NCALD: variants seen among roughly 807,000 people sequenced by gnomAD.
NCALD encodes neurocalcin delta, also known as neurocalcin-delta.
In NCALD, 10 loss-of-function variants were observed where a neutral mutation model predicts 18.6. That is an observed-to-expected ratio of 0.54 (90% CI 0.33 to 0.91). NCALD has a LOEUF of 0.91. Ranked by LOEUF, NCALD falls within the 40% of genes least tolerant of loss-of-function variation. The pLI is 0.03. For missense variants in NCALD, 184 were observed against 247.6 expected, an observed-to-expected ratio of 0.74 and a Z score of 1.72; for synonymous variants, 88 against 87.4, an observed-to-expected ratio of 1.01 and a Z score of -0.04.
chr8:101,780,544 A>C (rs950898587), intron 1 of NCALD, among the ~76,000 whole-genome samples: 1 of 152,138 alleles, frequency 6.6e-6, no homozygotes, highest in Admixed American at 6.6e-5. Context: ...ACAGAAGAAC[A>C]GTGGTTGGCA....
intron 2 of NCALD, among the ~76,000 whole-genome samples, chr8:101,956,808 A>G (rs528088590): frequency 9.2e-5 from 14 of 152,332 alleles, no homozygotes; most frequent in African/African-American, 2.9e-4. Flanking sequence ...AATCCCTTTT[A>G]CCTAGCCCAC....
chr8:101,800,469 G>C (rs1048949351), intron 4 of NCALD, among the ~76,000 whole-genome samples: 2 of 151,484 alleles, frequency 1.3e-5, no homozygotes, highest in African/African-American at 4.8e-5. Flanking sequence ...GAGGAAAAAA[G>C]AGCAATAAAT....
chr8:101,879,430 G>A (rs1367851653), intron 4 of NCALD, among the ~76,000 whole-genome samples: 3 of 152,144 alleles, frequency 2.0e-5, no homozygotes, highest in African/African-American at 7.2e-5. Flanking sequence ...CAGTGGCTTC[G>A]TGGTCTCGCT....
intron 2 of NCALD, among the ~76,000 whole-genome samples, chr8:101,704,446 G>A (rs528851940): frequency 7.2e-5 from 11 of 152,230 alleles, no homozygotes; most frequent in African/African-American, 1.4e-4. Context: ...CTAGGATACC[G>A]CATGAGAAAA....
intron 1 of NCALD, among the ~76,000 whole-genome samples, chr8:102,065,575 C>T (rs1367603056): frequency 6.6e-6 from 1 of 152,194 alleles, no homozygotes; most frequent in Non-Finnish European, 1.5e-5. Context: ...TTGTTCTCTA[C>T]CACCTGCATC....
chr8:101,824,792 G>T (rs575862407), intron 4 of NCALD, among the ~76,000 whole-genome samples: 3 of 152,280 alleles, frequency 2.0e-5, no homozygotes, highest in African/African-American at 7.2e-5. Flanking sequence ...ATCCAGATCT[G>T]TCTGATGTGA....
intron 4 of NCALD, among the ~76,000 whole-genome samples, chr8:101,857,811 C>G (rs1355718695): frequency 6.6e-6 from 1 of 152,102 alleles, no homozygotes; most frequent in East Asian, 1.9e-4. Flanking sequence ...TTGGTTTGCC[C>G]AAGACTTTCT....
chr8:102,028,149 G>A (rs1047779202), intron 1 of NCALD, among the ~76,000 whole-genome samples: 10 of 152,328 alleles, frequency 6.6e-5, no homozygotes, highest in Middle Eastern at 3.4e-3. Context: ...GCATGTAGAA[G>A]TATTCAAGGG....
At chr8:101,825,532 G>A (rs1219015775) in intron 4 of NCALD, among the ~76,000 whole-genome samples, 1 of 152,254 alleles carries the variant, frequency 6.6e-6, no homozygotes, top group Non-Finnish European at 1.5e-5. Context: ...AGTAGCTCAA[G>A]AGCAAAGGGT....
At chr8:101,699,175 G>A (rs776135826) in intron 2 of NCALD, among the ~76,000 whole-genome samples, 1 of 151,640 alleles carries the variant, frequency 6.6e-6, no homozygotes, top group African/African-American at 2.4e-5. Context: ...AAAAGCGTAT[G>A]ATCATTAGAG....
intron 1 of NCALD, among the ~76,000 whole-genome samples, chr8:101,730,770 T>C (rs535555805): frequency 6.6e-6 from 1 of 152,328 alleles, no homozygotes; most frequent in East Asian, 1.9e-4. Context: ...CACTTGGTCA[T>C]GGTTCCCGTA....
intron 4 of NCALD, among the ~76,000 whole-genome samples, chr8:101,814,988 G>A (rs552064983): frequency 1.3e-5 from 2 of 152,164 alleles, no homozygotes; most frequent in African/African-American, 4.8e-5. Context: ...TAAATAAAGA[G>A]ATATTCCATG....
At chr8:101,968,170 GTAGGT>G (rs1197804386) in intron 2 of NCALD, among the ~76,000 whole-genome samples, 1 of 152,162 alleles carries the variant, frequency 6.6e-6, no homozygotes, top group African/African-American at 2.4e-5. Flanking sequence ...TCTGGAGTCG[GTAGGT>G]ATTGGCTTTA....
rs144022695 is a variant in NCALD at position 101,748,393 on chromosome 8, C to T, written c.-19-28745G>A. ...ACCCTAGGTGCTGTGGTCTAGGGAC[C>T]CAAGTTTAAGTGGCTTGATTGTCAG... On this transcript the variant is annotated intron_variant, in intron 1 of 3. Transcript: ENST00000220931. 3.0e-3 allele frequency among the ~76,000 whole-genome samples: 449 copies of T among 152,152 alleles called. 2 individuals are homozygous for T. Among genetic ancestry groups the T allele is most frequent in the Non-Finnish European group, 4.3e-3 (292 of 67,984 alleles).
intron 4 of NCALD, among the ~76,000 whole-genome samples, chr8:101,849,751 G>A (rs1307876170): frequency 6.6e-6 from 1 of 152,142 alleles, no homozygotes; most frequent in Admixed American, 6.5e-5. Flanking sequence ...AGAATTACGA[G>A]CAAGCAGAGA....
chr8:101,751,632 C>A (rs370061877), intron 1 of NCALD, among the ~76,000 whole-genome samples: 24 of 152,284 alleles, frequency 1.6e-4, no homozygotes, highest in African/African-American at 5.8e-4. Context: ...GGCTTCCCAG[C>A]AGCCACATGT....
At chr8:102,049,593 T>A (rs1195375310) in intron 1 of NCALD, among the ~76,000 whole-genome samples, 1 of 152,154 alleles carries the variant, frequency 6.6e-6, no homozygotes, top group Non-Finnish European at 1.5e-5. Flanking sequence ...TTTGAGTATA[T>A]TTAGTTTTGT....
At chr8:102,031,376 T>G (rs954783419) in intron 1 of NCALD, among the ~76,000 whole-genome samples, 2 of 152,214 alleles carry the variant, frequency 1.3e-5, no homozygotes. Context: ...GATGCATAGC[T>G]GGGCAACTGA....
At position 101,688,951 on chromosome 8, in the gene NCALD, C is replaced by T. The variant is rs1563650771; in HGVS notation, c.*358G>A. On this transcript the variant is annotated 3_prime_UTR_variant, in exon 4 of 4. Transcript: ENST00000220931. ...TCTTTCAAACAAAAGCCCCTTGAAG[C>T]TTGCAATAGAATCACAGGACTGGAT... The T allele has an allele frequency of 3.1e-6, 2 of 646,256 alleles. No individual in the cohort carries two copies. Among genetic ancestry groups the T allele is most frequent in the East Asian group, 5.4e-5 (2 of 36,902 alleles). 40.0% of individuals were successfully genotyped at this position (646,256 alleles called of 1,614,324 possible).
Sources: allele counts gnomAD v4.1 joint callset (sites outside exome capture counted in the v4.1 genomes callset), GRCh38; gene constraint gnomAD v4.1.1; transcripts MANE v1.5; gene names NCBI Gene and HGNC (gene_info 2026-07-23, HGNC 2026-07-21).